RANBP2: variants seen among roughly 807,000 people sequenced by gnomAD.
RANBP2 encodes the protein E3 SUMO-protein ligase RanBP2.
Under a neutral mutation model 303.6 loss-of-function variants are expected in RANBP2, and 57 were observed. That is an observed-to-expected ratio of 0.19 (90% confidence interval 0.15 to 0.23). RANBP2 has a LOEUF of 0.23. Ranked by LOEUF, RANBP2 falls within the 10% of genes least tolerant of loss-of-function variation. The pLI is 1.00. For missense variants in RANBP2, 3,138 were observed against 3,780.8 expected, an observed-to-expected ratio of 0.83 and a Z score of 4.46; for synonymous variants, 1,167 against 1,301.5, an observed-to-expected ratio of 0.90 and a Z score of 2.23.
the RANBP2 span, among the ~76,000 whole-genome samples, chr2:109,338,348 C>T: frequency 6.6e-6 from 1 of 152,148 alleles, no homozygotes; most frequent in Non-Finnish European, 1.5e-5. Flanking sequence ...TTCATGGCCA[C>T]CCTCAAAACT....
At chr2:109,469,804 C>T in the RANBP2 span, among the ~76,000 whole-genome samples, 1 of 152,338 alleles carries the variant, frequency 6.6e-6, no homozygotes, top group African/African-American at 2.4e-5. Context: ...TGCTTTTCCT[C>T]AGAAGGTAGA....
At chr2:109,597,348 T>C in the RANBP2 span, among the ~76,000 whole-genome samples, 12 of 152,216 alleles carry the variant, frequency 7.9e-5, no homozygotes, top group Admixed American at 2.6e-4. Flanking sequence ...AACACTAAAT[T>C]AGAAAAAAAT....
the RANBP2 span, among the ~76,000 whole-genome samples, chr2:109,242,837 T>C: frequency 3.9e-5 from 6 of 152,184 alleles, no homozygotes; most frequent in Non-Finnish European, 7.4e-5. Context: ...AATAGAGCAA[T>C]AGGGCCTTTT....
chr2:109,137,762 G>A, the RANBP2 span, among the ~76,000 whole-genome samples: 2 of 152,334 alleles, frequency 1.3e-5, no homozygotes, highest in Non-Finnish European at 2.9e-5. Flanking sequence ...CTGATCAGCC[G>A]TTGTTTTTGC....
the RANBP2 span, chr2:108,923,238 A>G: frequency 1.1e-6 from 1 of 896,388 alleles, no homozygotes; most frequent in Non-Finnish European, 1.9e-6. Context: ...CCACAGGAGC[A>G]CTTTCACTAG....
At chr2:109,033,998 G>A in the RANBP2 span, among the ~76,000 whole-genome samples, 1 of 146,934 alleles carries the variant, frequency 6.8e-6, no homozygotes, top group Non-Finnish European at 1.5e-5. Flanking sequence ...TGTGTTGGCT[G>A]ACGCCTGTAA....
At chr2:109,545,793 T>C in the RANBP2 span, 7 of 1,425,500 alleles carry the variant, frequency 4.9e-6, no homozygotes, top group African/African-American at 1.4e-5. Context: ...CTTTTCACAC[T>C]GTGATGTATT....
At chr2:108,733,283 T>TG (rs1491315356) in intron 4 of RANBP2, among the ~76,000 whole-genome samples, 2 of 106,218 alleles carry the variant, frequency 1.9e-5, no homozygotes, top group Non-Finnish European at 3.6e-5. Context: ...TTTTTTTTTT[T>TG]GAGACAGAGT....
chr2:108,938,620 A>G, the RANBP2 span, among the ~76,000 whole-genome samples: 12 of 152,192 alleles, frequency 7.9e-5, no homozygotes, highest in African/African-American at 2.9e-4. Flanking sequence ...TCAGAGCTGA[A>G]AGGATCTTGT....
the RANBP2 span, among the ~76,000 whole-genome samples, chr2:109,624,639 T>A: frequency 6.6e-6 from 1 of 151,948 alleles, no homozygotes; most frequent in African/African-American, 2.4e-5. Context: ...AGAAAGGGAG[T>A]CATTAGTGCC....
the RANBP2 span, among the ~76,000 whole-genome samples, chr2:109,494,761 G>A: frequency 6.6e-6 from 1 of 152,104 alleles, no homozygotes; most frequent in Non-Finnish European, 1.5e-5. Context: ...TGCCAAGGAG[G>A]AATGGGCAGT....
At chr2:109,344,112 G>A in the RANBP2 span, among the ~76,000 whole-genome samples, 6 of 152,292 alleles carry the variant, frequency 3.9e-5, no homozygotes, top group Admixed American at 2.6e-4. Context: ...TAACCTGAGT[G>A]CCTTTGAATT....
chr2:109,532,930 A>G, the RANBP2 span, among the ~76,000 whole-genome samples: 4 of 152,066 alleles, frequency 2.6e-5, no homozygotes, highest in Admixed American at 6.5e-5. Flanking sequence ...AGTTTCTGTT[A>G]ATTCATTCAA....
At chr2:108,796,321 TG>T in the RANBP2 span, among the ~76,000 whole-genome samples, 1 of 152,162 alleles carries the variant, frequency 6.6e-6, no homozygotes, top group Non-Finnish European at 1.5e-5. Context: ...CCCAAAGTGC[TG>T]GGATTACAGG....
At chr2:108,796,453 C>T in the RANBP2 span, among the ~76,000 whole-genome samples, 71 of 152,184 alleles carry the variant, frequency 4.7e-4, no homozygotes, top group African/African-American at 1.6e-3. Context: ...GTAGAACTAC[C>T]GTATGATCCA....
chr2:109,298,430 C>T, the RANBP2 span, among the ~76,000 whole-genome samples: 3 of 152,100 alleles, frequency 2.0e-5, no homozygotes. Flanking sequence ...GTCTGTGGGT[C>T]ATTGAAGGAG....
intron 4 of RANBP2, chr2:108,731,761 C>G (rs1258265943): frequency 4.9e-6 from 2 of 406,304 alleles, no homozygotes; most frequent in African/African-American, 2.1e-5. Context: ...ACATTAAGTT[C>G]CGTCTGGTAT....
At chr2:109,446,163 C>G in the RANBP2 span, among the ~76,000 whole-genome samples, 1 of 152,174 alleles carries the variant, frequency 6.6e-6, no homozygotes, top group Non-Finnish European at 1.5e-5. Flanking sequence ...GATGAGCACA[C>G]TCTTCACCAG....
At chr2:108,934,207 T>A in the RANBP2 span, among the ~76,000 whole-genome samples, 2 of 152,174 alleles carry the variant, frequency 1.3e-5, no homozygotes, top group East Asian at 1.9e-4. Context: ...TGTGTTTCAT[T>A]ATTGTTACCA....
Sources: gnomAD v4.1 joint callset for allele counts (sites outside exome capture counted in the v4.1 genomes callset) on GRCh38, gnomAD v4.1.1 for gene constraint, MANE v1.5 for transcripts, NCBI Gene and HGNC (gene_info 2026-07-23, HGNC 2026-07-21) for gene names.